ANAPC7: variants seen among roughly 807,000 people sequenced by gnomAD.
ANAPC7 encodes anaphase promoting complex subunit 7, also known as anaphase-promoting complex subunit 7.
A neutral mutation model predicts 63.3 loss-of-function variants in ANAPC7; 25 were observed. That is an observed-to-expected ratio of 0.39 (90% CI 0.29 to 0.55). ANAPC7 has a LOEUF of 0.55. Among genes scored for constraint, ANAPC7 ranks in the 20% least tolerant of loss-of-function variants. The pLI, the probability that ANAPC7 is intolerant of heterozygous loss-of-function variation, is 0.57. For synonymous variants in ANAPC7, 241 were observed against 251.7 expected, an observed-to-expected ratio of 0.96 and a Z score of 0.40; for missense variants, 516 against 691.7, an observed-to-expected ratio of 0.75 and a Z score of 2.85.
At chr12:110,376,568 C>CAAAAAAAAAAAAA (rs57434475) in intron 9 of ANAPC7, among the ~76,000 whole-genome samples, 18 of 62,392 alleles carry the variant, frequency 2.9e-4, no homozygotes, top group African/African-American at 7.9e-4. Flanking sequence ...GACTCCATCT[C>CAAAAAAAAAAAAA]AAAAAAAAAA....
chr12:110,397,180 C>G (rs935750791), intron 1 of ANAPC7, among the ~76,000 whole-genome samples: 1 of 150,672 alleles, frequency 6.6e-6, no homozygotes, highest in South Asian at 2.1e-4. Flanking sequence ...GCCTGGGCGA[C>G]AGAGCCAGAC....
chr12:110,390,123 C>G (rs1168597052), intron 3 of ANAPC7, among the ~76,000 whole-genome samples: 2 of 151,580 alleles, frequency 1.3e-5, no homozygotes, highest in Admixed American at 6.6e-5. Context: ...GGCTAGAGTG[C>G]GATGGCACGA....
intron 1 of ANAPC7, 102 bp from the exon 2 acceptor site, chr12:110,396,554 A>G (rs2137984341): frequency 2.1e-6 from 2 of 934,492 alleles, no homozygotes; most frequent in East Asian, 2.8e-5. Flanking sequence ...TCTGTCACCC[A>G]GGCTGGAGTG....
intron 7 of ANAPC7, 69 bp from the exon 8 acceptor site, chr12:110,382,017 G>A: frequency 4.2e-6 from 6 of 1,416,738 alleles, no homozygotes; most frequent in Non-Finnish European, 5.6e-6. Context: ...TACAAAGAAA[G>A]TTGATCCAAA....
chr12:110,401,163 C>T (rs1345933506), intron 1 of ANAPC7, among the ~76,000 whole-genome samples: 2 of 152,220 alleles, frequency 1.3e-5, no homozygotes, highest in African/African-American at 2.4e-5. Flanking sequence ...CCAGCTTCTA[C>T]AGCAGGCCAA....
At chr12:110,392,092 CA>C (rs1283316509) in intron 3 of ANAPC7, among the ~76,000 whole-genome samples, 48 of 14,856 alleles carry the variant, frequency 3.2e-3, no homozygotes, top group South Asian at 9.1e-3. Flanking sequence ...CTCCACCTCA[CA>C]AAAAAAAAAA....
In ANAPC7 at chr12:110,403,540, T is replaced by G; in HGVS notation, c.88A>C (p.Ser30Arg). ...GCCTCAACTCACGGGTTGTTATTAC[T>G]CATTGTAAGTAACAAGCTGCTGAGG... ...RLLSSLLLTM[S>R]NNNPELFSPP... Residue 30 changes from serine (S) to arginine (R), a missense_variant, in exon 1 of 11, where the codon AGT becomes CGT. This residue lies in a region of ANAPC7 where 185 missense variants were observed against 200.3 expected (regional missense o/e 0.92). Transcript: ENST00000455511. The G allele has an allele frequency of 6.2e-7, 1 of 1,603,742 alleles. No individual in the cohort carries two copies. Among genetic ancestry groups the G allele is most frequent in the Non-Finnish European group, 8.5e-7 (1 of 1,175,866 alleles).
chr12:110,386,837 A>G (rs897931768), intron 5 of ANAPC7: 1 of 170,398 alleles, frequency 5.9e-6, no homozygotes, highest in African/African-American at 2.4e-5. Context: ...TTATCTGAAT[A>G]TAAAGAAAAT....
At chr12:110,394,457 T>C (rs894591514) in intron 3 of ANAPC7, among the ~76,000 whole-genome samples, 1 of 151,006 alleles carries the variant, frequency 6.6e-6, no homozygotes, top group African/African-American at 2.4e-5. Context: ...CAAAACCCCA[T>C]CTCTACTAAA....
intron 6 of ANAPC7, 96 bp downstream of exon 6, chr12:110,386,231 A>C: frequency 6.5e-7 from 1 of 1,534,986 alleles, no homozygotes; most frequent in Non-Finnish European, 8.8e-7. Flanking sequence ...CATTTCTATG[A>C]AACTTGGTAT....
In ANAPC7 at chr12:110,396,408, T is replaced by C; in HGVS notation, c.146A>G (p.His49Arg). 11 of 1,613,566 alleles carry C rather than the reference T, an allele frequency of 6.8e-6. No homozygotes were observed. The highest frequency in any genetic ancestry group is 9.3e-6 in the Non-Finnish European group (11 of 1,179,898). Residue 49 changes from histidine to arginine, a missense_variant, in exon 2 of 11, where the codon CAT becomes CGT. His to Arg is a conservative substitution (Grantham distance 29). Around this residue, in one of 4 missense-constraint regions of ANAPC7, gnomAD observed 185 missense variants for 200.3 expected, o/e 0.92. Coordinates refer to ENST00000455511, the MANE Select transcript of ANAPC7 (RefSeq NM_016238.3). Reference protein sequence around the residue: ...PPQKYQLLVYHADSLFHDKEY... With the variant: ...PPQKYQLLVYRADSLFHDKEY... ...CTTATCATGAAAGAGAGAATCTGCATGATACACCAAAAGCTGGTACTTCTG... is the reference window on the plus strand; with the variant it reads ...CTTATCATGAAAGAGAGAATCTGCACGATACACCAAAAGCTGGTACTTCTG...
chr12:110,397,139 T>A (rs1592928474), intron 1 of ANAPC7, among the ~76,000 whole-genome samples: 2 of 150,108 alleles, frequency 1.3e-5, no homozygotes, highest in African/African-American at 2.5e-5. Context: ...AGGAGGCCTG[T>A]AGTGAGCCGA....
At chr12:110,387,542 A>G in intron 5 of ANAPC7, 197 bp downstream of exon 5, 2 of 538,972 alleles carry the variant, frequency 3.7e-6, no homozygotes, top group Non-Finnish European at 6.2e-6. Flanking sequence ...TCAGATTTCT[A>G]TTTTTACAGG....
At chr12:110,378,941 C>CCA (rs1190498574) in intron 8 of ANAPC7, 1 of 151,800 alleles carries the variant, frequency 6.6e-6, no homozygotes, top group African/African-American at 2.4e-5. Flanking sequence ...TCACTGCAAC[C>CCA]CATGTCTCCT....
chr12:110,396,515 T>TA, intron 1 of ANAPC7, 63 bp from the exon 2 acceptor site: 2 of 1,342,790 alleles, frequency 1.5e-6, no homozygotes, highest in Non-Finnish European at 2.0e-6. Flanking sequence ...TCCCCCAGCT[T>TA]CTTTTTTTTT....
chr12:110,384,391 C>CT (rs1197560199), intron 6 of ANAPC7, among the ~76,000 whole-genome samples: 1 of 151,354 alleles, frequency 6.6e-6, no homozygotes, highest in Non-Finnish European at 1.5e-5. Flanking sequence ...GACCCTGTCT[C>CT]TAACAACAAA....
intron 1 of ANAPC7, among the ~76,000 whole-genome samples, chr12:110,399,910 A>G (rs138172421): frequency 0.054 from 8,255 of 152,148 alleles, 320 homozygotes; most frequent in African/African-American, 0.11. Context: ...CCTGGCCAAC[A>G]TGTTGAAACC....
At chr12:110,383,808 G>A (rs547791179) in intron 6 of ANAPC7, among the ~76,000 whole-genome samples, 60 of 146,998 alleles carry the variant, frequency 4.1e-4, no homozygotes, top group African/African-American at 1.5e-3. Flanking sequence ...TCAGGGAGGC[G>A]GAGGTTGCAG....
chr12:110,374,913 C>T (rs1041189023), intron 10 of ANAPC7, among the ~76,000 whole-genome samples: 4 of 152,012 alleles, frequency 2.6e-5, no homozygotes, highest in African/African-American at 9.7e-5. Flanking sequence ...TCAGTACATA[C>T]GCCACCCCCA....
Sources: allele counts gnomAD v4.1 joint callset (sites outside exome capture counted in the v4.1 genomes callset), GRCh38; gene constraint gnomAD v4.1.1; regional missense constraint gnomAD v4.1.1; transcripts MANE v1.5; gene names NCBI Gene and HGNC (gene_info 2026-07-23, HGNC 2026-07-21).